TTLL8: variants seen among roughly 807,000 people sequenced by gnomAD.
TTLL8 encodes protein monoglycylase TTLL8.
In TTLL8, 65 loss-of-function variants were observed where a neutral mutation model predicts 77.8. The ratio of observed to expected loss-of-function variants is 0.84; its 90% CI spans 0.68 to 1.03. TTLL8 has a LOEUF of 1.03. Among genes scored for constraint, TTLL8 ranks in the 50% least tolerant of loss-of-function variants. The pLI is 0.00. For synonymous variants in TTLL8, 402 were observed against 422.8 expected (o/e 0.95, Z 0.60); for missense variants, 910 against 1,004.5 (o/e 0.91, Z 1.27).
intron 12 of TTLL8, chr22:50,027,697 C>A (rs546061214): frequency 1.0e-6 from 1 of 985,322 alleles, no homozygotes; most frequent in African/African-American, 1.7e-5. Flanking sequence ...ACCCTGTCGC[C>A]GCAGGCCTTT....
intron 12 of TTLL8, among the ~76,000 whole-genome samples, chr22:50,021,452 C>T (rs1419956971): frequency 2.1e-5 from 3 of 143,656 alleles, no homozygotes; most frequent in Non-Finnish European, 3.0e-5. Context: ...GACGTGCACT[C>T]CTCCATGTGA....
At chr22:50,055,862 G>C (rs202140366), upstream of TTLL8, among the ~76,000 whole-genome samples, 6 of 152,080 alleles carry the variant, frequency 3.9e-5, no homozygotes, top group South Asian at 2.1e-4. Flanking sequence ...CTTGAATAGG[G>C]GCTGGTTAAA....
exon 12 of TTLL8, chr22:50,030,759 G>C (rs768511743): frequency 1.5e-6 from 2 of 1,338,398 alleles, no homozygotes; most frequent in East Asian, 9.5e-5. Flanking sequence ...TCCCTGGGCA[G>C]GGTCTGGCAT....
chr22:50,045,380 C>T (rs781647492), exon 6 of TTLL8: 17 of 1,365,596 alleles, frequency 1.2e-5, no homozygotes, highest in East Asian at 4.5e-5. Context: ...CATGGTGCGC[C>T]GGAAGTCTTC....
rs1184667502 is a variant in TTLL8, at chr22:50,041,833, A to G, written c.644-26T>C. 1 of 1,348,216 alleles carries G rather than the reference A, an allele frequency of 7.4e-7. No individual in the cohort carries two copies. Among genetic ancestry groups the G allele is most frequent in the Non-Finnish European group, 9.9e-7 (1 of 1,014,928 alleles). 83.5% of individuals were successfully genotyped at this position (1,348,216 alleles called of 1,614,324 possible). ...CTGAAACCCAGACACAGGCACATGC[A>G]GTGGGAACCTCACCCAGGGGCAGCC... is the stretch of plus-strand genomic sequence containing the variant. On this transcript the variant is annotated intron_variant, in intron 6 of 13. Coordinates refer to ENST00000266182, the Ensembl canonical transcript of TTLL8. This position sits in a 1 kb window ranked among gnomAD's most constrained non-coding sequence, Gnocchi z 4.3.
intron 12 of TTLL8, among the ~76,000 whole-genome samples, chr22:50,022,498 C>T (rs1020207242): frequency 6.6e-6 from 1 of 151,458 alleles, no homozygotes; most frequent in Non-Finnish European, 1.5e-5. Flanking sequence ...GACGTGCACT[C>T]CTCCATCTGA....
chr22:50,049,418 TA>T, intron 2 of TTLL8, 96 bp from the exon 5 acceptor site: 1 of 1,291,234 alleles, frequency 7.7e-7, no homozygotes, highest in Non-Finnish European at 1.0e-6. Context: ...ACAGCGACTT[TA>T]CTTCCAGAAA....
In TTLL8 at chr22:50,031,786, G is replaced by A. The variant is rs61739921; in HGVS notation, c.1607C>T (p.Pro536Leu). Residue 536 changes from proline (P) to leucine (L), a missense_variant, in exon 11 of 14, where the codon CCG (proline) becomes CTG (leucine). By Grantham distance (98) the Pro-to-Leu change is moderately conservative. Coordinates refer to ENST00000266182, the Ensembl canonical transcript of TTLL8. ...CTGTGCACACAGCTGGGCCGTGACC[G>A]GCGTGGACGGGTGCATGGTGGGGCT... 6.9e-4 allele frequency: 949 copies of A among 1,366,600 alleles called. 4 individuals are homozygous for A. The African/African-American group carries it at 0.011, about 15-fold the overall frequency. The allele number at this position is 1,366,600 out of a possible 1,614,324, so 84.7% of individuals were successfully genotyped here. A position where few individuals can be genotyped will look rare whatever the true frequency, so the allele number is the denominator to read the frequency against.
At chr22:50,032,666 G>A (rs1016773087) in intron 10 of TTLL8, among the ~76,000 whole-genome samples, 12 of 152,270 alleles carry the variant, frequency 7.9e-5, no homozygotes, top group South Asian at 4.1e-4. Flanking sequence ...GTCCCCTAGC[G>A]CCTCACACCA....
At chr22:50,048,977 C>T (rs983281545) in intron 3 of TTLL8, among the ~76,000 whole-genome samples, 5 of 152,246 alleles carry the variant, frequency 3.3e-5, no homozygotes, top group Admixed American at 6.5e-5. Context: ...CTTCCACATG[C>T]GCACAGCAGG....
intron 12 of TTLL8, among the ~76,000 whole-genome samples, chr22:50,019,254 C>T (rs1362810986): frequency 2.6e-5 from 4 of 152,124 alleles, no homozygotes; most frequent in South Asian, 2.1e-4. Flanking sequence ...AGAGAAGAAG[C>T]GTCAATGAAA....
rs374127510 is a variant in TTLL8 at position 50,047,276 on chromosome 22, C to A, written c.285G>T (p.Glu95Asp). 7 of 1,367,498 alleles carry A rather than the reference C, an allele frequency of 5.1e-6. No individual in the cohort carries two copies. In the African/African-American group the frequency reaches 1.0e-4, roughly 20 times the overall value. 84.7% of individuals were successfully genotyped at this position (1,367,498 alleles called of 1,614,324 possible). Residue 95 changes from glutamate to aspartate, a missense_variant, in exon 4 of 14, where the codon GAG (glutamate) becomes GAT (aspartate). By Grantham distance (45) the Glu-to-Asp change is conservative (BLOSUM62 2). Coordinates refer to ENST00000266182, the Ensembl canonical transcript of TTLL8. Reference sequence around the variant, plus strand: ...TGATGGTCCAGAGGAGGTACGGCATCTCATTTTTTACCAACCTAGACTGGC... The same window carrying A: ...TGATGGTCCAGAGGAGGTACGGCATATCATTTTTTACCAACCTAGACTGGC...
chr22:50,041,728 G>A lies in TTLL8; in HGVS notation c.723C>T (p.Tyr241=), dbSNP rs761223659. ...TGTCCTCATGCTCCAGCTGCCCCAG[G>A]TAGGCCTGGCACACCTTGCACGCGA... The change falls in exon 7 of 14, where the codon TAC becomes TAT. Residue 241 remains tyrosine, a synonymous_variant. Coordinates refer to ENST00000266182, the Ensembl canonical transcript of TTLL8. This position sits in a 1 kb window ranked among gnomAD's most constrained non-coding sequence, Gnocchi z 4.3. 5 of 1,366,356 alleles carry A rather than the reference G, an allele frequency of 3.7e-6. No homozygotes were observed. Among genetic ancestry groups the A allele is most frequent in the Non-Finnish European group, 4.9e-6 (5 of 1,021,404 alleles). The allele number at this position is 1,366,356 out of a possible 1,614,324, so 84.6% of individuals were successfully genotyped here.
At chr22:50,019,589 AC>A (rs1349373987) in intron 12 of TTLL8, among the ~76,000 whole-genome samples, 2 of 152,240 alleles carry the variant, frequency 1.3e-5, no homozygotes, top group Non-Finnish European at 2.9e-5. Flanking sequence ...TGGAAGGTCC[AC>A]GTGGGAGGGA....
intron 11 of TTLL8, 137 bp downstream of exon 12, chr22:50,031,549 T>C (rs1463673042): frequency 8.4e-7 from 1 of 1,183,758 alleles, no homozygotes; most frequent in Non-Finnish European, 1.1e-6. Context: ...CCGAGCATGG[T>C]CACAGAGCAG....
At chr22:50,036,125 G>A (rs553306845) in intron 8 of TTLL8, among the ~76,000 whole-genome samples, 1 of 152,310 alleles carries the variant, frequency 6.6e-6, no homozygotes, top group East Asian at 1.9e-4. Context: ...GGGCTCTCTG[G>A]GTCCTGACCC....
intron 6 of TTLL8, among the ~76,000 whole-genome samples, chr22:50,042,776 C>T (rs922876331): frequency 1.3e-5 from 2 of 152,124 alleles, no homozygotes; most frequent in South Asian, 2.1e-4. Flanking sequence ...AACACAATCA[C>T]CACAATCATG....
At chr22:50,026,205 C>T (rs1056064342) in intron 12 of TTLL8, among the ~76,000 whole-genome samples, 7 of 152,150 alleles carry the variant, frequency 4.6e-5, no homozygotes, top group African/African-American at 1.7e-4. Flanking sequence ...AAAGGGTGCA[C>T]ACTCGTCACA....
chr22:50,028,258 C>T (rs1033739459), intron 12 of TTLL8, among the ~76,000 whole-genome samples: 12 of 152,208 alleles, frequency 7.9e-5, no homozygotes, highest in Admixed American at 1.3e-4. Context: ...TGGGCTAAGC[C>T]TCCAGCTGCC....
Sources: gnomAD v4.1 joint callset for allele counts (sites outside exome capture counted in the v4.1 genomes callset) on GRCh38, gnomAD v4.1.1 for gene constraint, Gnocchi (gnomAD v3.1) non-coding constraint, MANE v1.5 for transcripts, NCBI Gene and HGNC (gene_info 2026-07-23, HGNC 2026-07-21) for gene names.